Variants in DRAM1 observed in about 807,000 individuals in gnomAD.
The protein encoded by DRAM1 is DNA damage-regulated autophagy modulator protein 1.
DRAM1 carries 25 observed loss-of-function variants against 28.5 expected under a neutral mutation model. The observed-to-expected ratio is 0.88, with a 90% CI of 0.64 to 1.23. The LOEUF (loss-of-function observed/expected upper bound fraction) is 1.23, where lower values mean the gene tolerates loss of function less well. Ranked by LOEUF, DRAM1 falls within the 50% of genes most tolerant of loss-of-function variation. DRAM1 has a pLI of 0.00. For missense variants in DRAM1, 249 were observed against 299.2 expected (o/e 0.83, Z 1.24); for synonymous variants, 113 against 114.2 (o/e 0.99, Z 0.07).
In DRAM1 at chr12:101,923,141, G is replaced by A. The variant is rs554731477; in HGVS notation, c.*1881G>A. Reference sequence around the variant, plus strand: ...ATAAAGAGAATGCTAATCATTTCTGGGTTCACTGCGACTCACTGTAGTGCT... The same window carrying A: ...ATAAAGAGAATGCTAATCATTTCTGAGTTCACTGCGACTCACTGTAGTGCT... On this transcript the variant is annotated 3_prime_UTR_variant, in exon 7 of 7. Coordinates refer to ENST00000258534, the MANE Select transcript of DRAM1 (RefSeq NM_018370.3). The A allele has an allele frequency of 1.1e-4, 16 of 152,238 alleles. No individual in the cohort carries two copies. Among genetic ancestry groups the A allele is most frequent in the African/African-American group, 3.9e-4 (16 of 41,508 alleles). 9.4% of individuals were successfully genotyped at this position (152,238 alleles called of 1,614,324 possible).
At chr12:101,908,432 A>G (rs879295644) in intron 4 of DRAM1, 69 bp downstream of exon 4, 2 of 1,503,726 alleles carry the variant, frequency 1.3e-6, no homozygotes, top group Non-Finnish European at 1.8e-6. Flanking sequence ...AAAGAAGGGT[A>G]ATGAAGACTT....
At chr12:101,883,884 G>A (rs1184457279) in intron 1 of DRAM1, among the ~76,000 whole-genome samples, 32 of 150,686 alleles carry the variant, frequency 2.1e-4, no homozygotes, top group African/African-American at 5.4e-4. Context: ...GCAGTGGACC[G>A]AGATTGTGCC....
chr12:101,892,196 T>C (rs1873157529), intron 1 of DRAM1, among the ~76,000 whole-genome samples: 1 of 151,928 alleles, frequency 6.6e-6, no homozygotes, highest in Non-Finnish European at 1.5e-5. Flanking sequence ...CATAAGAACA[T>C]TTTTCATTGA....
At chr12:101,894,530 G>A (rs1012076626) in intron 1 of DRAM1, among the ~76,000 whole-genome samples, 3 of 152,192 alleles carry the variant, frequency 2.0e-5, no homozygotes, top group African/African-American at 7.2e-5. Context: ...GGGATTACAG[G>A]TGTGAGCTAC....
At chr12:101,894,185 T>C (rs1873255480) in intron 1 of DRAM1, among the ~76,000 whole-genome samples, 2 of 152,312 alleles carry the variant, frequency 1.3e-5, no homozygotes, top group Admixed American at 6.5e-5. Flanking sequence ...TGGCATGATC[T>C]CGGCTCACTG....
At chr12:101,909,580 G>A (rs1476544679) in intron 4 of DRAM1, among the ~76,000 whole-genome samples, 1 of 152,106 alleles carries the variant, frequency 6.6e-6, no homozygotes, top group African/African-American at 2.4e-5. Context: ...TTCATGTGAA[G>A]AAATTTCTAA....
chr12:101,887,919 C>T (rs1404380318), intron 1 of DRAM1, among the ~76,000 whole-genome samples: 6 of 152,018 alleles, frequency 3.9e-5, no homozygotes, highest in Admixed American at 2.6e-4. Flanking sequence ...GTGATGTTGG[C>T]TTTCCTGTTC....
chr12:101,919,800 G>T (rs2121178514), intron 5 of DRAM1, among the ~76,000 whole-genome samples: 1 of 152,284 alleles, frequency 6.6e-6, no homozygotes, highest in South Asian at 2.1e-4. Context: ...TTCTTCTGTT[G>T]AGTCCAAATT....
chr12:101,881,358 C>T (rs112604952), intron 1 of DRAM1, among the ~76,000 whole-genome samples: 1 of 151,850 alleles, frequency 6.6e-6, no homozygotes, highest in Admixed American at 6.6e-5. Context: ...AACCTTATCC[C>T]TTTTTGTTGT....
chr12:101,899,458 C>G (rs1223384214), intron 2 of DRAM1, among the ~76,000 whole-genome samples: 1 of 151,852 alleles, frequency 6.6e-6, no homozygotes. Flanking sequence ...GAGTTCAAGA[C>G]CAGCCTGGGC....
rs570807864 is a variant in DRAM1, at chr12:101,897,268, C to T, written c.132-595C>T. Among the ~76,000 whole-genome samples, 671 of 151,970 alleles carry T rather than the reference C, an allele frequency of 4.4e-3. 1 individual carries two copies. Among genetic ancestry groups the T allele is most frequent in the Non-Finnish European group, 7.4e-3 (505 of 67,972 alleles). On this transcript the variant is annotated intron_variant, in intron 1 of 6. Coordinates refer to ENST00000258534, the MANE Select transcript of DRAM1 (RefSeq NM_018370.3). ...AGGCTCGAATGCAGTGGCATGATCTCGGCTCACCATAACCTCCGCCTCCCT... is the reference window on the plus strand; with the variant it reads ...AGGCTCGAATGCAGTGGCATGATCTTGGCTCACCATAACCTCCGCCTCCCT...
intron 3 of DRAM1, 74 bp from the exon 4 acceptor site, chr12:101,908,112 C>T (rs1187481630): frequency 9.0e-6 from 12 of 1,336,106 alleles, no homozygotes; most frequent in Non-Finnish European, 1.2e-5. Flanking sequence ...CAAAGCAGCC[C>T]AGAGTGAGAG....
chr12:101,904,383 A>G (rs113709761), intron 3 of DRAM1, among the ~76,000 whole-genome samples: 14,877 of 96,686 alleles, frequency 0.15, 896 homozygotes, highest in Middle Eastern at 0.25. Context: ...CAGTATTCAC[A>G]TATTCTTTTT....
At chr12:101,878,039 G>A in intron 1 of DRAM1, 119 bp downstream of exon 1, 1 of 1,311,248 alleles carries the variant, frequency 7.6e-7, no homozygotes, top group Non-Finnish European at 9.9e-7. Flanking sequence ...TCAGGCAGAG[G>A]TGGGAGCAGG....
intron 3 of DRAM1, among the ~76,000 whole-genome samples, chr12:101,905,402 C>T (rs1873767440): frequency 6.6e-6 from 1 of 152,112 alleles, no homozygotes. Context: ...CCACCTCAGC[C>T]TCCTGAGTAG....
intron 3 of DRAM1, among the ~76,000 whole-genome samples, chr12:101,907,479 G>A (rs61936568): frequency 0.11 from 17,142 of 151,970 alleles, 1,016 homozygotes; most frequent in Middle Eastern, 0.18. Flanking sequence ...GGTGGCTCAC[G>A]CCTGTAATCC....
chr12:101,895,965 C>T (rs953940305), intron 1 of DRAM1, among the ~76,000 whole-genome samples: 2 of 152,166 alleles, frequency 1.3e-5, no homozygotes, highest in East Asian at 3.9e-4. Flanking sequence ...TGGCTCACTG[C>T]AACCTCTGCC....
chr12:101,904,727 CA>C (rs1833483904), intron 3 of DRAM1, among the ~76,000 whole-genome samples: 1 of 152,038 alleles, frequency 6.6e-6, no homozygotes, highest in South Asian at 2.1e-4. Context: ...AGGCGTGAGC[CA>C]CCGCGCCTGG....
intron 6 of DRAM1, 76 bp downstream of exon 6, chr12:101,920,277 AT>A: frequency 1.0e-6 from 1 of 962,292 alleles, no homozygotes; most frequent in Non-Finnish European, 1.5e-6. Flanking sequence ...GACATTTTGC[AT>A]TTTTAAAAAG....
Sources: gnomAD v4.1 joint callset for allele counts (sites outside exome capture counted in the v4.1 genomes callset) on GRCh38, gnomAD v4.1.1 for gene constraint, MANE v1.5 for transcripts, NCBI Gene and HGNC (gene_info 2026-07-23, HGNC 2026-07-21) for gene names.